RABGAP1L: variants seen among roughly 807,000 people sequenced by gnomAD.
RABGAP1L encodes rab GTPase-activating protein 1-like.
Under a neutral mutation model 137.7 loss-of-function variants are expected in RABGAP1L, and 63 were observed. The observed-to-expected ratio is 0.46, with a 90% CI of 0.37 to 0.56. The LOEUF is 0.56. Among genes scored for constraint, RABGAP1L ranks in the 20% least tolerant of loss-of-function variants. The pLI is 0.00. For missense variants in RABGAP1L, 1,095 were observed against 1,244.0 expected (o/e 0.88, Z 1.80); for synonymous variants, 431 against 433.7 (o/e 0.99, Z 0.08).
chr1:174,484,778 C>G (rs548013278), intron 13 of RABGAP1L, among the ~76,000 whole-genome samples: 1 of 152,200 alleles, frequency 6.6e-6, no homozygotes, highest in South Asian at 2.1e-4. Context: ...AATTTGAAGT[C>G]AGTAATGTGA....
Position 174,434,108 on chromosome 1 carries a change from T to TACACACACACACACACACACACAC in RABGAP1L, c.1710+39984_1710+40007dup, listed in dbSNP as rs35509787. On this transcript the variant is annotated intron_variant, in intron 13 of 25. Coordinates refer to ENST00000681986, the MANE Select transcript of RABGAP1L (RefSeq NM_001366446.1). ...GCACATGAGCGCATGCGTGTACACA[T>TACACACACACACACACACACACAC]ACACACACACACACACACACACACA... Among the ~76,000 whole-genome samples, 123 of 134,128 alleles carry TACACACACACACACACACACACAC rather than the reference T, an allele frequency of 9.2e-4. 1 individual carries two copies. Among genetic ancestry groups the TACACACACACACACACACACACAC allele is most frequent in the Middle Eastern group, 3.6e-3 (1 of 276 alleles). The allele number at this position is 134,128 out of a possible 152,430, so 88.0% of individuals were successfully genotyped here. A position where few individuals can be genotyped will look rare whatever the true frequency, so the allele number is the denominator to read the frequency against.
intron 19 of RABGAP1L, among the ~76,000 whole-genome samples, chr1:174,885,124 G>A (rs1230451258): frequency 3.9e-5 from 6 of 152,174 alleles, no homozygotes; most frequent in Non-Finnish European, 8.8e-5. Context: ...GACTGAAATC[G>A]GCCAGAAGTC....
chr1:174,597,364 G>C (rs963762116), intron 13 of RABGAP1L, among the ~76,000 whole-genome samples: 16 of 152,060 alleles, frequency 1.1e-4, no homozygotes, highest in African/African-American at 3.6e-4. Context: ...CTTGATAGGA[G>C]ACTTTTTATT....
intron 17 of RABGAP1L, among the ~76,000 whole-genome samples, chr1:174,708,561 A>G (rs1005311868): frequency 6.6e-6 from 1 of 152,160 alleles, no homozygotes; most frequent in Admixed American, 6.5e-5. Flanking sequence ...TCCCTCCCCT[A>G]GCTGAGGGAA....
intron 13 of RABGAP1L, among the ~76,000 whole-genome samples, chr1:174,502,439 T>G (rs531532801): frequency 6.9e-4 from 104 of 151,530 alleles, no homozygotes; most frequent in Non-Finnish European, 1.2e-3. Flanking sequence ...GTATTTAATA[T>G]ATAAAATAGT....
chr1:174,532,685 C>T (rs1402620936), intron 13 of RABGAP1L, among the ~76,000 whole-genome samples: 4 of 151,992 alleles, frequency 2.6e-5, no homozygotes, highest in African/African-American at 7.2e-5. Flanking sequence ...CTATATTATC[C>T]AGTCATGAAT....
chr1:174,588,265 G>T lies in RABGAP1L; in HGVS notation c.1711-49110G>T, dbSNP rs138762838. Among the ~76,000 whole-genome samples the T allele has an allele frequency of 6.5e-3, 996 of 152,122 alleles. 14 individuals are homozygous for T. The highest frequency in any genetic ancestry group is 0.023 in the African/African-American group (935 of 41,474). Reference sequence around the variant, plus strand: ...TGCAGCCTCCGCCTCTGGGGTTCAAGTAATTCTCCTGCCTCAGCCTCCTGA... The same window carrying T: ...TGCAGCCTCCGCCTCTGGGGTTCAATTAATTCTCCTGCCTCAGCCTCCTGA... On this transcript the variant is annotated intron_variant, in intron 13 of 25. Coordinates refer to ENST00000681986, the MANE Select transcript of RABGAP1L (RefSeq NM_001366446.1).
chr1:174,250,876 C>T (rs1456542784), intron 6 of RABGAP1L, among the ~76,000 whole-genome samples: 1 of 152,216 alleles, frequency 6.6e-6, no homozygotes, highest in African/African-American at 2.4e-5. Context: ...TCTCGACTCA[C>T]TGCCATCTCT....
intron 13 of RABGAP1L, among the ~76,000 whole-genome samples, chr1:174,543,286 G>A (rs1665654106): frequency 6.6e-6 from 1 of 152,090 alleles, no homozygotes; most frequent in South Asian, 2.1e-4. Context: ...TTCTGTATTG[G>A]GTGCATATAT....
intron 19 of RABGAP1L, among the ~76,000 whole-genome samples, chr1:174,924,555 G>A (rs1231291203): frequency 1.3e-5 from 2 of 152,066 alleles, no homozygotes; most frequent in African/African-American, 2.4e-5. Flanking sequence ...AGCATTTAGG[G>A]TAATTGGATT....
chr1:174,944,262 A>G (rs1214804500), intron 19 of RABGAP1L, among the ~76,000 whole-genome samples: 4 of 144,634 alleles, frequency 2.8e-5, no homozygotes, highest in African/African-American at 1.0e-4. Flanking sequence ...GGGCAACAGA[A>G]CAAGACTGTC....
intron 12 of RABGAP1L, among the ~76,000 whole-genome samples, chr1:174,392,872 TG>T (rs1647323917): frequency 6.6e-6 from 1 of 152,168 alleles, no homozygotes; most frequent in South Asian, 2.1e-4. Context: ...TGTCAAGGTT[TG>T]GAGTCCCAGT....
intron 13 of RABGAP1L, among the ~76,000 whole-genome samples, chr1:174,529,015 A>T (rs1664163869): frequency 5.0e-5 from 7 of 140,830 alleles, no homozygotes; most frequent in East Asian, 2.2e-4. Flanking sequence ...AATGATATCT[A>T]TCTCTTTGGT....
intron 13 of RABGAP1L, among the ~76,000 whole-genome samples, chr1:174,523,124 A>G (rs1015491387): frequency 5.9e-5 from 9 of 152,336 alleles, no homozygotes; most frequent in Middle Eastern, 3.4e-3. Flanking sequence ...AGAGACCAGA[A>G]GAGTTTTCTA....
intron 1 of RABGAP1L, among the ~76,000 whole-genome samples, chr1:174,188,188 A>G (rs1290123784): frequency 6.6e-6 from 1 of 152,178 alleles, no homozygotes; most frequent in African/African-American, 2.4e-5. Flanking sequence ...TAGCCTTTCA[A>G]ATTCCATTAG....
Position 174,325,436 on chromosome 1 carries a change from C to G in RABGAP1L, c.1465+20309C>G, listed in dbSNP as rs905009668. Reference sequence around the variant, plus strand: ...GCACAACTATCCACATATGAAAGTACCTTCATAAAAGCTAAGGGAACCTGA... The same window carrying G: ...GCACAACTATCCACATATGAAAGTAGCTTCATAAAAGCTAAGGGAACCTGA... On this transcript the variant is annotated intron_variant, in intron 11 of 25. Coordinates refer to ENST00000681986, the MANE Select transcript of RABGAP1L (RefSeq NM_001366446.1). 2.0e-5 allele frequency among the ~76,000 whole-genome samples: 3 copies of G among 152,128 alleles called. No homozygotes were observed. The East Asian group carries it at 5.8e-4, about 29-fold the overall frequency.
intron 13 of RABGAP1L, chr1:174,449,078 G>A (rs1655132232): frequency 8.1e-6 from 13 of 1,614,038 alleles, no homozygotes; most frequent in Non-Finnish European, 1.1e-5. Flanking sequence ...CTCCAACAGC[G>A]TTTTCCGGCT....
chr1:174,530,062 G>C (rs1664254750), intron 13 of RABGAP1L, among the ~76,000 whole-genome samples: 1 of 151,960 alleles, frequency 6.6e-6, no homozygotes, highest in Admixed American at 6.5e-5. Flanking sequence ...GCTACCGTCA[G>C]GATGCTCAGC....
At chr1:174,293,716 C>T (rs576056148) in intron 10 of RABGAP1L, among the ~76,000 whole-genome samples, 27 of 151,986 alleles carry the variant, frequency 1.8e-4, no homozygotes, top group African/African-American at 6.5e-4. Context: ...ACTGAGATGC[C>T]GGTATTCATT....
Sources: allele counts gnomAD v4.1 joint callset (sites outside exome capture counted in the v4.1 genomes callset), GRCh38; gene constraint gnomAD v4.1.1; transcripts MANE v1.5; gene names NCBI Gene and HGNC (gene_info 2026-07-23, HGNC 2026-07-21).